Variants in EPB42 observed in about 807,000 individuals in gnomAD.
EPB42 encodes the protein erythrocyte membrane protein band 4.2.
In EPB42, 49 loss-of-function variants were observed where a neutral mutation model predicts 76.9. The observed-to-expected ratio is 0.64, with a 90% CI of 0.51 to 0.81. The LOEUF is 0.81. Ranked by LOEUF, EPB42 falls within the 30% of genes least tolerant of loss-of-function variation. EPB42 has a pLI of 0.00. For synonymous variants in EPB42, 310 were observed against 338.4 expected (o/e 0.92, Z 0.92); for missense variants, 731 against 867.6 (o/e 0.84, Z 1.98).
intron 2 of EPB42, among the ~76,000 whole-genome samples, chr15:43,215,781 C>T (rs1290774164): frequency 6.6e-6 from 1 of 152,208 alleles, no homozygotes; most frequent in East Asian, 1.9e-4. Context: ...ATTGCAACCT[C>T]CACCTCCTGG....
At chr15:43,215,931 A>T (rs1170664374) in intron 2 of EPB42, among the ~76,000 whole-genome samples, 1 of 152,174 alleles carries the variant, frequency 6.6e-6, no homozygotes, top group Non-Finnish European at 1.5e-5. Flanking sequence ...ACCTCAGGTA[A>T]TCCACCCGCC....
At chr15:43,224,892 C>A (rs1354472743), upstream of EPB42, among the ~76,000 whole-genome samples, 3 of 152,252 alleles carry the variant, frequency 2.0e-5, no homozygotes. Flanking sequence ...CCTCCCACTT[C>A]AGCCTCCAGA....
Position 43,206,731 on chromosome 15 carries a change from G to T in EPB42, c.1319-102C>A. The T allele has an allele frequency of 7.1e-7, 1 of 1,413,538 alleles. No homozygotes were observed. The highest frequency in any genetic ancestry group is 9.8e-7 in the Non-Finnish European group (1 of 1,020,488). The allele number at this position is 1,413,538 out of a possible 1,614,324, so 87.6% of individuals were successfully genotyped here. A position where few individuals can be genotyped will look rare whatever the true frequency, so the allele number is the denominator to read the frequency against. On this transcript the variant is annotated intron_variant, in intron 9 of 12. Transcript: ENST00000441366. This position sits in a 1 kb window ranked among gnomAD's most constrained non-coding sequence, Gnocchi z 4.7. ...ACCATTTACCCACTTCTGCTCAAATGCCAAAGTCACAAGAACTCAGCAAGC... is the reference window on the plus strand; with the variant it reads ...ACCATTTACCCACTTCTGCTCAAATTCCAAAGTCACAAGAACTCAGCAAGC...
In EPB42 at chr15:43,203,259, G is replaced by A. The variant is rs564320392; in HGVS notation, c.1635C>T (p.Ile545=). 52 of 1,614,056 alleles carry A rather than the reference G, an allele frequency of 3.2e-5. No individual in the cohort carries two copies. Among genetic ancestry groups the A allele is most frequent in the Middle Eastern group, 3.3e-4 (2 of 6,084 alleles). The change falls in exon 11 of 13, where the codon ATC becomes ATT. Residue 545 remains isoleucine (I), a synonymous_variant. Coordinates refer to ENST00000441366, the MANE Select transcript of EPB42 (RefSeq NM_001114134.2). ...LSANLEKIIT[I]GLFFSNFERN... is the part of the protein sequence containing the mutation. Reference sequence around the variant, plus strand: ...GCTCAAAATTGGAGAAGAACAGGCCGATGGTTATTATCTTTTCTGAAACAC... The same window carrying A: ...GCTCAAAATTGGAGAAGAACAGGCCAATGGTTATTATCTTTTCTGAAACAC...
In EPB42 at chr15:43,208,560, G is replaced by A; in HGVS notation, c.971+77C>T. 6 of 1,588,388 alleles carry A rather than the reference G, an allele frequency of 3.8e-6. No homozygotes were observed. The South Asian group carries it at 4.4e-5, about 12-fold the overall frequency. ...TCCATGCCAGGGCCATGCAGGGGGT[G>A]GGGCTCCTGCAGAGGTGTGCTATGC... On this transcript the variant is annotated intron_variant, in intron 7 of 12. Transcript: ENST00000441366.
intron 5 of EPB42, among the ~76,000 whole-genome samples, chr15:43,210,026 C>T (rs967193145): frequency 1.3e-5 from 2 of 152,232 alleles, no homozygotes; most frequent in Non-Finnish European, 1.5e-5. Flanking sequence ...GTAAGATGGG[C>T]CCTACCCACT....
chr15:43,217,127 G>A (rs1024009859), intron 1 of EPB42, among the ~76,000 whole-genome samples: 8 of 152,194 alleles, frequency 5.3e-5, no homozygotes, highest in African/African-American at 1.9e-4. Context: ...CCAAATTTCA[G>A]GTCGAATTGT....
In EPB42 at chr15:43,204,096, A is replaced by T. The variant is rs547542437; in HGVS notation, c.1619-821T>A. 4.6e-5 allele frequency among the ~76,000 whole-genome samples: 7 copies of T among 152,204 alleles called. No homozygotes were observed. The East Asian group carries it at 1.4e-3, about 29-fold the overall frequency. ...TCCCTCTGCCCAGTGTCCCTGGCTG[A>T]CTACTCCCCAGCCTCACCTTTTCCT... On this transcript the variant is annotated intron_variant, in intron 10 of 12. Transcript: ENST00000441366.
In EPB42 at chr15:43,206,351, G is replaced by A. The variant is rs1004492703; in HGVS notation, c.1597C>T (p.Leu533Phe). Residue 533 changes from leucine (L) to phenylalanine (F), a missense_variant, in exon 10 of 13, where the codon CTC becomes TTC. Coordinates refer to ENST00000441366, the MANE Select transcript of EPB42 (RefSeq NM_001114134.2). The surrounding 1 kb of genome is among the most constrained non-coding windows in gnomAD (Gnocchi z 4.7). ...AAKLWRKKLH[L>F]TLSANLEKII... ...TTACCCAGGTTGGCACTGAGCGTGA[G>A]GTGCAGCTTCTTCCTCCAGAGCTTG... 6.2e-7 allele frequency: 1 copy of A among 1,612,036 alleles called. No homozygotes were observed. The highest frequency in any genetic ancestry group is 1.3e-5 in the African/African-American group (1 of 74,856).
In EPB42 at chr15:43,203,284, CAT is replaced by C. The variant is rs761308419; in HGVS notation, c.1619-11_1619-10del. ...GATGGTTATTATCTTTTCTGAAACA[CAT>C]GACAGGTGGAGTCAGTGGCAACAGG... On this transcript the variant is annotated splice_polypyrimidine_tract_variant and intron_variant, in intron 10 of 12. Transcript: ENST00000441366. 6.2e-7 allele frequency: 1 copy of C among 1,614,170 alleles called. No homozygotes were observed. The highest frequency in any genetic ancestry group is 1.1e-5 in the South Asian group (1 of 91,080).
upstream of EPB42, among the ~76,000 whole-genome samples, chr15:43,225,357 A>C (rs1035375760): frequency 1.6e-4 from 24 of 152,214 alleles, no homozygotes; most frequent in African/African-American, 5.5e-4. Context: ...TGGCTGAAAG[A>C]ACTATTTTCA....
At position 43,197,481 on chromosome 15, in the gene EPB42, G is replaced by C. The variant is rs765916484; in HGVS notation, c.1914-17C>G. 3 of 1,613,614 alleles carry C rather than the reference G, an allele frequency of 1.9e-6. No individual in the cohort carries two copies. The East Asian group carries it at 6.7e-5, about 36-fold the overall frequency. On this transcript the variant is annotated splice_polypyrimidine_tract_variant and intron_variant, in intron 12 of 12. Coordinates refer to ENST00000441366, the MANE Select transcript of EPB42 (RefSeq NM_001114134.2). ...GAACGGAATCTGAAATAAAGGAAAA[G>C]GCAGGTGCTAGTTCTGTCCCAGGTT...
chr15:43,199,230 A>G lies in EPB42; in HGVS notation c.1914-1766T>C, dbSNP rs117776710. Reference sequence around the variant, plus strand: ...TGCACTGTCTGCCTGGAAAAGCCACAGACACTCAGCGCCAGCCTGTGAGAG... The same window carrying G: ...TGCACTGTCTGCCTGGAAAAGCCACGGACACTCAGCGCCAGCCTGTGAGAG... On this transcript the variant is annotated intron_variant, in intron 12 of 12. Transcript: ENST00000441366. Among the ~76,000 whole-genome samples the G allele has an allele frequency of 3.7e-3, 565 of 152,316 alleles. 29 individuals carry two copies. In the East Asian group the frequency reaches 0.09, roughly 24 times the overall value.
intron 1 of EPB42, among the ~76,000 whole-genome samples, chr15:43,217,299 C>T (rs1159626096): frequency 2.0e-5 from 3 of 152,184 alleles, no homozygotes; most frequent in Non-Finnish European, 4.4e-5. Context: ...TGAAGATGTG[C>T]TTGCTTCCCC....
At chr15:43,225,103 G>A (rs1194654017), upstream of EPB42, among the ~76,000 whole-genome samples, 1 of 152,208 alleles carries the variant, frequency 6.6e-6, no homozygotes, top group Non-Finnish European at 1.5e-5. Flanking sequence ...GAATAAGCAA[G>A]GTAGAGAACA....
chr15:43,208,616 C>T (rs1389958876), intron 7 of EPB42, 21 bp downstream of exon 7: 2 of 1,614,006 alleles, frequency 1.2e-6, no homozygotes, highest in Admixed American at 1.7e-5. Flanking sequence ...ACTGGAACCT[C>T]ATCTCCCTTG....
intron 1 of EPB42, among the ~76,000 whole-genome samples, chr15:43,219,534 C>T (rs1409268333): frequency 1.3e-5 from 2 of 152,188 alleles, no homozygotes; most frequent in African/African-American, 4.8e-5. Context: ...CACCCACTGC[C>T]TGGAAAGAAT....
chr15:43,210,460 C>T, intron 4 of EPB42, 21 bp from the exon 5 acceptor site: 1 of 1,608,964 alleles, frequency 6.2e-7, no homozygotes. Flanking sequence ...TCACACAGGG[C>T]CATGATGAAG....
intron 3 of EPB42, among the ~76,000 whole-genome samples, chr15:43,214,246 GGGT>G (rs1362007336): frequency 2.0e-5 from 3 of 152,178 alleles, no homozygotes; most frequent in African/African-American, 4.8e-5. Context: ...GTCCTACTTT[GGGT>G]CTTATTTGGA....
Sources: gnomAD v4.1 joint callset for allele counts (sites outside exome capture counted in the v4.1 genomes callset) on GRCh38, gnomAD v4.1.1 for gene constraint, Gnocchi (gnomAD v3.1) non-coding constraint, MANE v1.5 for transcripts, NCBI Gene and HGNC (gene_info 2026-07-23, HGNC 2026-07-21) for gene names.